RARB: variants seen among roughly 807,000 people sequenced by gnomAD.
RARB encodes the protein retinoic acid receptor beta.
Under a neutral mutation model 51.9 loss-of-function variants are expected in RARB, and 17 were observed. The ratio of observed to expected loss-of-function variants is 0.33; its 90% confidence interval spans 0.22 to 0.49. RARB has a LOEUF of 0.49. Ranked by LOEUF, RARB falls within the 20% of genes least tolerant of loss-of-function variation. RARB has a pLI of 0.99. For missense variants in RARB, 369 were observed against 550.8 expected, an observed-to-expected ratio of 0.67 and a Z score of 3.30; for synonymous variants, 215 against 195.4, an observed-to-expected ratio of 1.10 and a Z score of -0.84.
intron 5 of RARB, among the ~76,000 whole-genome samples, chr3:25,305,690 C>T (rs181069269): frequency 2.0e-5 from 3 of 152,268 alleles, no homozygotes; most frequent in African/African-American, 4.8e-5. Context: ...CCACGACACT[C>T]CTACCTAGTG....
chr3:25,371,984 C>T (rs931752556), intron 5 of RARB, among the ~76,000 whole-genome samples: 1 of 152,104 alleles, frequency 6.6e-6, no homozygotes, highest in Admixed American at 6.5e-5. Context: ...TTCAGGCTCA[C>T]AGCTGCCACC....
intron 5 of RARB, among the ~76,000 whole-genome samples, chr3:25,353,333 C>T (rs928304594): frequency 3.3e-5 from 5 of 152,078 alleles, no homozygotes; most frequent in Admixed American, 6.6e-5. Flanking sequence ...GAGTCTGCCA[C>T]GTAGTAGGGT....
chr3:25,428,418 G>C lies in RARB; in HGVS notation c.-314G>C. The C allele has an allele frequency of 7.9e-7, 1 of 1,272,942 alleles. No homozygotes were observed. The highest frequency in any genetic ancestry group is 9.9e-7 in the Non-Finnish European group (1 of 1,011,704). 78.9% of individuals were successfully genotyped at this position (1,272,942 alleles called of 1,614,324 possible). A position where few individuals can be genotyped will look rare whatever the true frequency, so the allele number is the denominator to read the frequency against. On this transcript the variant is annotated 5_prime_UTR_variant, in exon 1 of 8. It removes the in-frame stop codon of an upstream open reading frame in the 5' UTR. Transcript: ENST00000330688. ...GGTTTGTCTGGGCACCGTCGGGGTA[G>C]GATCCGGAACGCATTCGGAAGGCTT...
At chr3:25,291,647 G>A (rs896842593) in intron 5 of RARB, among the ~76,000 whole-genome samples, 1 of 151,932 alleles carries the variant, frequency 6.6e-6, no homozygotes, top group Non-Finnish European at 1.5e-5. Flanking sequence ...CAAGGAAATG[G>A]CCCCTTTTGT....
intron 3 of RARB, among the ~76,000 whole-genome samples, chr3:25,501,687 A>G (rs1697323860): frequency 6.6e-6 from 1 of 152,090 alleles, no homozygotes; most frequent in Non-Finnish European, 1.5e-5. Flanking sequence ...CGGTGAGGAT[A>G]AGATAAAATG....
At chr3:25,193,158 A>G (rs1701145575) in intron 5 of RARB, among the ~76,000 whole-genome samples, 1 of 152,020 alleles carries the variant, frequency 6.6e-6, no homozygotes, top group Non-Finnish European at 1.5e-5. Context: ...CCTCCTTTTA[A>G]TCTTAACTTT....
In RARB at chr3:25,087,230, C is replaced by T. The variant is rs1217304180; in HGVS notation, c.-328+27054C>T. Among the ~76,000 whole-genome samples, 4 of 152,140 alleles carry T rather than the reference C, an allele frequency of 2.6e-5. No individual in the cohort carries two copies. In the South Asian group the frequency reaches 8.3e-4, roughly 31 times the overall value. Reference sequence around the variant, plus strand: ...TTGAGGCCTGTCTGACCACCTATTCCTTTCATGGCCTGAGCTAGTGTTTCA... The same window carrying T: ...TTGAGGCCTGTCTGACCACCTATTCTTTTCATGGCCTGAGCTAGTGTTTCA... On this transcript the variant is annotated intron_variant, in intron 3 of 11. Transcript: ENST00000383772.
chr3:24,948,291 T>C (rs1695816794), intron 2 of RARB, among the ~76,000 whole-genome samples: 1 of 152,206 alleles, frequency 6.6e-6, no homozygotes, highest in South Asian at 2.1e-4. Context: ...CAGATGGAGA[T>C]ACAGGAAAAG....
At chr3:24,867,046 G>T (rs1427742422) in intron 2 of RARB, among the ~76,000 whole-genome samples, 1 of 152,032 alleles carries the variant, frequency 6.6e-6, no homozygotes, top group East Asian at 1.9e-4. Context: ...AACGTGAAAA[G>T]GCATCTCAAA....
chr3:25,185,335 CTAGT>C (rs535219282), intron 5 of RARB, among the ~76,000 whole-genome samples: 2 of 152,094 alleles, frequency 1.3e-5, no homozygotes, highest in Non-Finnish European at 1.5e-5. Context: ...AGTTGGAGAA[CTAGT>C]TAAAGACCAA....
chr3:25,265,222 T>G (rs983134851), intron 5 of RARB, among the ~76,000 whole-genome samples: 1 of 152,220 alleles, frequency 6.6e-6, no homozygotes, highest in African/African-American at 2.4e-5. Context: ...CTCAAGCTTA[T>G]ATTCCGTTTT....
Position 25,084,109 on chromosome 3 carries a change from A to G in RARB, c.-328+23933A>G, listed in dbSNP as rs149789530. On this transcript the variant is annotated intron_variant, in intron 3 of 11. Transcript: ENST00000383772. Reference sequence around the variant, plus strand: ...CAGTAAGACCCCTAAACTGAGTCCAATGGGACTTCTTCCCTATTTGGTACC... The same window carrying G: ...CAGTAAGACCCCTAAACTGAGTCCAGTGGGACTTCTTCCCTATTTGGTACC... Among the ~76,000 whole-genome samples the G allele has an allele frequency of 4.5e-3, 679 of 152,280 alleles. 4 individuals are homozygous for G. Among genetic ancestry groups the G allele is most frequent in the African/African-American group, 0.015 (640 of 41,554 alleles).
Position 25,596,801 on chromosome 3 carries a change from CA to C in RARB, c.*188del. The C allele has an allele frequency of 2.3e-6, 1 of 434,590 alleles. No homozygotes were observed. The highest frequency in any genetic ancestry group is 3.6e-5 in the East Asian group (1 of 28,134). 26.9% of individuals were successfully genotyped at this position (434,590 alleles called of 1,614,324 possible). The stretch of plus-strand genomic sequence containing the variant: ...TCACTGTGTAACTTACCTAGAAATA[CA>C]AACTTTTCCAATTTTAAAAAATCAG... On this transcript the variant is annotated 3_prime_UTR_variant, in exon 8 of 8. Coordinates refer to ENST00000330688, the MANE Select transcript of RARB (RefSeq NM_000965.5).
rs77258634 is a variant in RARB, at chr3:25,227,595, A to G, written c.178+53020A>G. 4.1e-4 allele frequency among the ~76,000 whole-genome samples: 63 copies of G among 152,250 alleles called. 1 individual carries two copies. In the East Asian group the frequency reaches 0.012, roughly 28 times the overall value. ...AAGATGAAGAAAGTAGCTACAAGTTACCCACTTAATACTTCTCCCCATTCC... is the reference window on the plus strand; with the variant it reads ...AAGATGAAGAAAGTAGCTACAAGTTGCCCACTTAATACTTCTCCCCATTCC... On this transcript the variant is annotated intron_variant, in intron 5 of 11. Transcript: ENST00000383772.
intron 3 of RARB, among the ~76,000 whole-genome samples, chr3:25,506,670 C>G (rs544742893): frequency 1.3e-3 from 202 of 152,318 alleles, no homozygotes; most frequent in African/African-American, 4.7e-3. Context: ...GCCATTATAG[C>G]GCAAAAGTAG....
At chr3:25,296,716 G>C (rs548440007) in intron 5 of RARB, among the ~76,000 whole-genome samples, 2 of 152,178 alleles carry the variant, frequency 1.3e-5, no homozygotes, top group Non-Finnish European at 1.5e-5. Context: ...GTTTAATTCA[G>C]TTCTCAGAAT....
At chr3:25,047,162 A>C (rs1463114554) in intron 2 of RARB, among the ~76,000 whole-genome samples, 1 of 152,230 alleles carries the variant, frequency 6.6e-6, no homozygotes, top group Non-Finnish European at 1.5e-5. Context: ...CTTACAGAAA[A>C]GAGCCCAGGA....
chr3:24,872,811 C>G (rs1224762171), intron 2 of RARB, among the ~76,000 whole-genome samples: 6 of 152,188 alleles, frequency 3.9e-5, no homozygotes, highest in African/African-American at 1.4e-4. Flanking sequence ...AACTATAGCA[C>G]CTTCTCTGTA....
intron 2 of RARB, among the ~76,000 whole-genome samples, chr3:24,859,401 T>C (rs1575039301): frequency 1.3e-5 from 2 of 152,212 alleles, no homozygotes; most frequent in African/African-American, 2.4e-5. Context: ...ACAACTCTCA[T>C]GTAGGTGTAA....
Sources: allele counts gnomAD v4.1 joint callset (sites outside exome capture counted in the v4.1 genomes callset), GRCh38; gene constraint gnomAD v4.1.1; transcripts MANE v1.5; gene names NCBI Gene and HGNC (gene_info 2026-07-23, HGNC 2026-07-21).